The following R3HDM1 variants were observed in gnomAD, a reference collection of about 807,000 sequenced individuals.
R3HDM1 encodes R3H domain containing 1.
Under a neutral mutation model 141.1 loss-of-function variants are expected in R3HDM1, and 46 were observed. That is an observed-to-expected ratio of 0.33 (90% confidence interval 0.26 to 0.42). R3HDM1 has a LOEUF of 0.42. Among genes scored for constraint, R3HDM1 ranks in the 10% least tolerant of loss-of-function variants. The pLI, the probability that R3HDM1 is intolerant of heterozygous loss-of-function variation, is 1.00. For synonymous variants in R3HDM1, 435 were observed against 472.9 expected (o/e 0.92, Z 1.04); for missense variants, 1,184 against 1,368.3 (o/e 0.87, Z 2.12).
chr2:135,601,571 T>C (rs2105100611), intron 1 of R3HDM1, among the ~76,000 whole-genome samples: 1 of 152,348 alleles, frequency 6.6e-6, no homozygotes, highest in South Asian at 2.1e-4. Flanking sequence ...GTAAATAATC[T>C]TTTTAGAGTT....
At chr2:135,650,232 A>G in intron 17 of R3HDM1, 1 of 982,214 alleles carries the variant, frequency 1.0e-6, no homozygotes, top group Non-Finnish European at 1.2e-6. Context: ...CTTTTTCATA[A>G]CGAAAGAATT....
intron 24 of R3HDM1, among the ~76,000 whole-genome samples, chr2:135,720,440 G>T (rs1363372000): frequency 6.6e-6 from 1 of 152,132 alleles, no homozygotes; most frequent in African/African-American, 2.4e-5. Context: ...AACACAAAAT[G>T]TACTAAATTT....
intron 1 of R3HDM1, among the ~76,000 whole-genome samples, chr2:135,569,828 G>T (rs1192168679): frequency 6.7e-6 from 1 of 150,078 alleles, no homozygotes; most frequent in East Asian, 2.0e-4. Context: ...CTGGGTTCAC[G>T]CCATTCTCCT....
At chr2:135,571,845 C>T (rs1273922658) in intron 1 of R3HDM1, among the ~76,000 whole-genome samples, 4 of 152,062 alleles carry the variant, frequency 2.6e-5, no homozygotes, top group African/African-American at 9.7e-5. Flanking sequence ...AGGCTAGTCT[C>T]GAACTCCTGG....
At chr2:135,590,803 A>G (rs1432606499) in intron 1 of R3HDM1, 3 of 853,690 alleles carry the variant, frequency 3.5e-6, no homozygotes, top group East Asian at 1.2e-4. Flanking sequence ...GATGATGGCA[A>G]CTGAAAGACA....
At position 135,641,565 on chromosome 2, in the gene R3HDM1, T is replaced by C. The variant is rs754077747; in HGVS notation, c.1249T>C (p.Ser417Pro). The change falls in exon 15 of 27, where the codon TCT (serine) becomes CCT (proline). Residue 417 changes from serine (S) to proline (P), a missense_variant. By Grantham distance (74) the Ser-to-Pro change is moderately conservative (BLOSUM62 -1). Around this residue, in one of 5 missense-constraint regions of R3HDM1, gnomAD observed 240 missense variants for 312.3 expected, o/e 0.77. Coordinates refer to ENST00000683871, the MANE Select transcript of R3HDM1 (RefSeq NM_001378107.1). The stretch of plus-strand genomic sequence containing the variant: ...TGAGTCTTCTGGTAGTGTAGGGTCA[T>C]CTACAGGCTCTCTTTCTCACATCCA... Reference protein sequence around the residue: ...GSESSGSVGSSTGSLSHIQQP... With the variant: ...GSESSGSVGSPTGSLSHIQQP... 16 of 1,613,942 alleles carry C rather than the reference T, an allele frequency of 9.9e-6. No homozygotes were observed. Among genetic ancestry groups the C allele is most frequent in the African/African-American group, 1.3e-5 (1 of 74,920 alleles).
chr2:135,669,013 C>T (rs981559770), intron 19 of R3HDM1: 39 of 516,754 alleles, frequency 7.5e-5, no homozygotes, highest in Non-Finnish European at 9.2e-5. Flanking sequence ...CTATTTGAGC[C>T]AGTTCTTCTC....
At chr2:135,565,751 A>G (rs115469961) in intron 1 of R3HDM1, 3,898 of 152,708 alleles carry the variant, frequency 0.026, 89 homozygotes, top group Middle Eastern at 0.17. Context: ...AACAGTAAGA[A>G]ACTAAATCAC....
chr2:135,724,531 C>G lies in R3HDM1; in HGVS notation c.*239C>G, dbSNP rs1575298224. ...GTTAGCAGGTTTTTCTAAGGAAATG[C>G]CATTCAAATGCCTCCTAACTTTTAT... On this transcript the variant is annotated 3_prime_UTR_variant, in exon 27 of 27. Transcript: ENST00000683871. 2.4e-6 allele frequency: 1 copy of G among 410,372 alleles called. No homozygotes were observed. Among genetic ancestry groups the G allele is most frequent in the East Asian group, 3.7e-5 (1 of 26,730 alleles). The allele number at this position is 410,372 out of a possible 1,614,324, so 25.4% of individuals were successfully genotyped here.
intron 21 of R3HDM1, among the ~76,000 whole-genome samples, chr2:135,689,462 C>A (rs2071961192): frequency 6.6e-6 from 1 of 152,120 alleles, no homozygotes; most frequent in Non-Finnish European, 1.5e-5. Flanking sequence ...ACTCTAGTAG[C>A]CTTCATTTTA....
intron 7 of R3HDM1, among the ~76,000 whole-genome samples, chr2:135,630,526 T>C (rs1416515945): frequency 6.6e-6 from 1 of 151,998 alleles, no homozygotes; most frequent in Non-Finnish European, 1.5e-5. Context: ...AATATAAAAA[T>C]GTAAGTTAAA....
At chr2:135,577,256 A>G (rs1270921829) in intron 1 of R3HDM1, 7 of 968,568 alleles carry the variant, frequency 7.2e-6, no homozygotes, top group Non-Finnish European at 8.6e-6. Flanking sequence ...GACATGAAAA[A>G]AAGTCAAAAA....
rs1410133005 is a variant in R3HDM1 at position 135,702,746 on chromosome 2, G to A, written c.2460-6687G>A. Among the ~76,000 whole-genome samples the A allele has an allele frequency of 1.3e-5, 2 of 151,778 alleles. 1 individual carries two copies. The highest frequency in any genetic ancestry group is 2.9e-5 in the Non-Finnish European group (2 of 67,950). On this transcript the variant is annotated intron_variant, in intron 21 of 26. Coordinates refer to ENST00000683871, the MANE Select transcript of R3HDM1 (RefSeq NM_001378107.1). ...GAAAGAGAATCACTTGAACTTGGGA[G>A]GTGGAGGTTGCAGCGAGCCGAGATC...
In R3HDM1 at chr2:135,641,548, C is replaced by G; in HGVS notation, c.1232C>G (p.Ser411Cys). The change falls in exon 15 of 27, where the codon TCT becomes TGT. Residue 411 changes from serine (S) to cysteine (C), a missense_variant. This residue lies in a region of R3HDM1 where 240 missense variants were observed against 312.3 expected (regional missense o/e 0.77). Coordinates refer to ENST00000683871, the MANE Select transcript of R3HDM1 (RefSeq NM_001378107.1). ...GRLSKTGSES[S>C]GSVGSSTGSL... is the part of the protein sequence containing the mutation. ...ACTCCTCTTCTAGGTTCTGAGTCTT[C>G]TGGTAGTGTAGGGTCATCTACAGGC... 6.2e-7 allele frequency: 1 copy of G among 1,610,532 alleles called. No homozygotes were observed. Among genetic ancestry groups the G allele is most frequent in the Non-Finnish European group, 8.5e-7 (1 of 1,178,956 alleles).
chr2:135,550,532 G>A (rs968783144), intron 1 of R3HDM1, among the ~76,000 whole-genome samples: 1 of 151,990 alleles, frequency 6.6e-6, no homozygotes, highest in Non-Finnish European at 1.5e-5. Context: ...TGGCTTATGT[G>A]GCATTTGTGA....
chr2:135,538,766 A>G (rs1696795660), intron 1 of R3HDM1, among the ~76,000 whole-genome samples: 1 of 152,140 alleles, frequency 6.6e-6, no homozygotes, highest in South Asian at 2.1e-4. Context: ...GGTGCCCACC[A>G]CCATGCCCGG....
chr2:135,658,339 T>C (rs1007213610), intron 18 of R3HDM1, among the ~76,000 whole-genome samples: 1 of 152,154 alleles, frequency 6.6e-6, no homozygotes, highest in Non-Finnish European at 1.5e-5. Flanking sequence ...GCTAATTTTT[T>C]GTATCTTTAG....
At chr2:135,551,095 G>A (rs536404657) in intron 1 of R3HDM1, among the ~76,000 whole-genome samples, 7 of 152,290 alleles carry the variant, frequency 4.6e-5, no homozygotes, top group African/African-American at 1.7e-4. Flanking sequence ...TAGACAGGTG[G>A]CTGAGGAAAT....
At chr2:135,551,031 T>C (rs1699746116) in intron 1 of R3HDM1, among the ~76,000 whole-genome samples, 1 of 152,204 alleles carries the variant, frequency 6.6e-6, no homozygotes, top group African/African-American at 2.4e-5. Context: ...AATAAATCCA[T>C]CCACCAGTGG....
Sources: gnomAD v4.1 joint callset for allele counts (sites outside exome capture counted in the v4.1 genomes callset) on GRCh38, gnomAD v4.1.1 for gene constraint, gnomAD v4.1.1 regional missense constraint, MANE v1.5 for transcripts, NCBI Gene and HGNC (gene_info 2026-07-23, HGNC 2026-07-21) for gene names.